PID1: variants seen among roughly 807,000 people sequenced by gnomAD.
PID1 encodes PTB-containing, cubilin and LRP1-interacting protein.
Under a neutral mutation model 19.1 loss-of-function variants are expected in PID1, and 10 were observed. The ratio of observed to expected loss-of-function variants is 0.52; its 90% CI spans 0.32 to 0.89. The LOEUF (loss-of-function observed/expected upper bound fraction) is 0.89. Ranked by LOEUF, PID1 falls within the 40% of genes least tolerant of loss-of-function variation. The pLI, the probability that PID1 is intolerant of heterozygous loss-of-function variation, is 0.03. For synonymous variants in PID1, 130 were observed against 116.0 expected (o/e 1.12, Z -0.78); for missense variants, 248 against 285.3 (o/e 0.87, Z 0.94).
chr2:229,253,226 C>T (rs754452143), intron 1 of PID1, among the ~76,000 whole-genome samples: 6 of 152,184 alleles, frequency 3.9e-5, no homozygotes, highest in Non-Finnish European at 7.3e-5. Context: ...CAGCTATTTG[C>T]ATCCCTGACA....
At chr2:229,071,366 T>C (rs1485257126) in intron 2 of PID1, among the ~76,000 whole-genome samples, 2 of 152,212 alleles carry the variant, frequency 1.3e-5, no homozygotes, top group Non-Finnish European at 2.9e-5. Flanking sequence ...GGTGTTGTTG[T>C]TGGGGTTGTT....
chr2:229,207,099 T>G (rs1691625796), intron 1 of PID1, among the ~76,000 whole-genome samples: 1 of 151,290 alleles, frequency 6.6e-6, no homozygotes, highest in African/African-American at 2.4e-5. Context: ...TCTGTTCAAT[T>G]TTGCTTTCCC....
chr2:229,172,176 TA>T (rs939428134), intron 1 of PID1, among the ~76,000 whole-genome samples: 1 of 152,162 alleles, frequency 6.6e-6, no homozygotes, highest in African/African-American at 2.4e-5. Flanking sequence ...GAGTAACAGC[TA>T]AAAGGTCCAA....
intron 2 of PID1, among the ~76,000 whole-genome samples, chr2:229,030,590 T>G (rs1574567992): frequency 6.6e-6 from 1 of 152,308 alleles, no homozygotes; most frequent in East Asian, 1.9e-4. Context: ...GCACACTTTC[T>G]CTCTCTCTGA....
intron 2 of PID1, among the ~76,000 whole-genome samples, chr2:229,033,334 T>A (rs1443048358): frequency 2.0e-5 from 3 of 152,188 alleles, no homozygotes; most frequent in Non-Finnish European, 4.4e-5. Context: ...TGGGTTCCAC[T>A]TACTGCTGGG....
rs73998516 is a variant in PID1, at chr2:229,033,887, C to T, written c.178-7779G>A. Among the ~76,000 whole-genome samples the T allele has an allele frequency of 1.8e-3, 269 of 152,284 alleles. 2 individuals are homozygous for T. Among genetic ancestry groups the T allele is most frequent in the African/African-American group, 6.3e-3 (263 of 41,560 alleles). On this transcript the variant is annotated intron_variant, in intron 2 of 2. Transcript: ENST00000392055. ...AAATACCAGAGTCAAGCTCTTCTTCCATCACATGGATTCCCACCTGCACAT... is the reference window on the plus strand; with the variant it reads ...AAATACCAGAGTCAAGCTCTTCTTCTATCACATGGATTCCCACCTGCACAT...
chr2:229,229,867 T>C (rs939384944), intron 1 of PID1, among the ~76,000 whole-genome samples: 1 of 152,242 alleles, frequency 6.6e-6, no homozygotes, highest in Non-Finnish European at 1.5e-5. Flanking sequence ...CCCTACATCA[T>C]CACATGCTGA....
At chr2:229,091,578 G>C (rs2106219584) in intron 2 of PID1, among the ~76,000 whole-genome samples, 1 of 152,282 alleles carries the variant, frequency 6.6e-6, no homozygotes, top group East Asian at 1.9e-4. Flanking sequence ...AGGCCCTAAA[G>C]AGATCCCCCA....
intron 1 of PID1, among the ~76,000 whole-genome samples, chr2:229,168,164 G>A (rs547299564): frequency 2.2e-4 from 33 of 152,214 alleles, no homozygotes; most frequent in African/African-American, 7.7e-4. Flanking sequence ...TATTTGTCAT[G>A]TTTAGTGTTA....
At chr2:229,043,013 T>C (rs1167973960) in intron 2 of PID1, among the ~76,000 whole-genome samples, 1 of 151,408 alleles carries the variant, frequency 6.6e-6, no homozygotes, top group Non-Finnish European at 1.5e-5. Context: ...GGAGAAATTT[T>C]TTTTTTTTTT....
chr2:229,226,527 A>G (rs376058584), intron 1 of PID1, among the ~76,000 whole-genome samples: 7 of 152,268 alleles, frequency 4.6e-5, no homozygotes, highest in African/African-American at 1.7e-4. Flanking sequence ...AAGATGCTGG[A>G]CTTCCAAGCT....
At chr2:229,265,027 C>G (rs1012498687) in intron 1 of PID1, among the ~76,000 whole-genome samples, 15 of 152,222 alleles carry the variant, frequency 9.9e-5, no homozygotes, top group African/African-American at 3.6e-4. Flanking sequence ...AAGCACATCT[C>G]TCTATTTTAC....
intron 2 of PID1, among the ~76,000 whole-genome samples, chr2:229,069,336 T>C (rs1559219073): frequency 6.6e-6 from 1 of 152,096 alleles, no homozygotes; most frequent in Non-Finnish European, 1.5e-5. Context: ...ATTTGAACTT[T>C]AGACAGTAAG....
intron 1 of PID1, among the ~76,000 whole-genome samples, chr2:229,182,711 C>G (rs1690973132): frequency 6.6e-6 from 1 of 152,212 alleles, no homozygotes; most frequent in South Asian, 2.1e-4. Flanking sequence ...ATACACTACA[C>G]TTTGATTGAC....
intron 1 of PID1, among the ~76,000 whole-genome samples, chr2:229,184,937 T>C (rs149231215): frequency 7.1e-5 from 9 of 127,190 alleles, no homozygotes; most frequent in Admixed American, 8.2e-5. Context: ...GTATCCCATA[T>C]ATATATCCTA....
rs1230676766 is a variant in PID1, at chr2:229,242,916, C to CTGAG, written c.30+28094_30+28097dup. 3.9e-5 allele frequency among the ~76,000 whole-genome samples: 6 copies of CTGAG among 152,112 alleles called. No individual in the cohort carries two copies. The East Asian group carries it at 1.2e-3, about 29-fold the overall frequency. The stretch of plus-strand genomic sequence containing the variant: ...TGTGCTCACTCTTGTCTGGAACAGC[C>CTGAG]TGAGTTCACAGCTCTGTGAAGATTC... On this transcript the variant is annotated intron_variant, in intron 1 of 2. Transcript: ENST00000392055.
intron 2 of PID1, among the ~76,000 whole-genome samples, chr2:229,074,081 A>G (rs1356374008): frequency 6.6e-6 from 1 of 152,182 alleles, no homozygotes; most frequent in Admixed American, 6.5e-5. Flanking sequence ...CGGCTTACAA[A>G]CTGACAAACT....
intron 1 of PID1, among the ~76,000 whole-genome samples, chr2:229,165,812 T>C (rs551687520): frequency 3.9e-4 from 59 of 152,218 alleles, no homozygotes; most frequent in African/African-American, 1.3e-3. Context: ...AGAAGTAAAA[T>C]TGTCTTTATT....
chr2:229,212,975 T>C (rs1416390881), intron 1 of PID1, among the ~76,000 whole-genome samples: 1 of 152,060 alleles, frequency 6.6e-6, no homozygotes, highest in Non-Finnish European at 1.5e-5. Flanking sequence ...GAACCCCTTT[T>C]GTAACCAACA....
Sources: gnomAD v4.1 joint callset for allele counts (sites outside exome capture counted in the v4.1 genomes callset) on GRCh38, gnomAD v4.1.1 for gene constraint, MANE v1.5 for transcripts, NCBI Gene and HGNC (gene_info 2026-07-23, HGNC 2026-07-21) for gene names.